Variants in PRR11 observed in about 807,000 individuals in gnomAD.
PRR11 encodes proline rich 11.
PRR11 carries 30 observed loss-of-function variants against 45.6 expected under a neutral mutation model. That is an observed-to-expected ratio of 0.66 (90% confidence interval 0.49 to 0.89). PRR11 has a LOEUF of 0.89. Ranked by LOEUF, PRR11 falls within the 40% of genes least tolerant of loss-of-function variation. PRR11 has a pLI of 0.00. For missense variants in PRR11, 373 were observed against 424.8 expected (o/e 0.88, Z 1.07); for synonymous variants, 128 against 153.5 (o/e 0.83, Z 1.23).
intron 5 of PRR11, among the ~76,000 whole-genome samples, chr17:59,194,119 T>C (rs929509254): frequency 4.6e-5 from 7 of 152,060 alleles, no homozygotes; most frequent in Admixed American, 4.6e-4. Context: ...GGAGAACCAA[T>C]CTCTATTTCA....
rs2046623003 is a variant in PRR11 at position 59,156,259 on chromosome 17, A to G, written c.-6+454A>G. Among the ~76,000 whole-genome samples the G allele has an allele frequency of 2.6e-5, 4 of 152,178 alleles. No homozygotes were observed. The South Asian group carries it at 6.2e-4, about 24-fold the overall frequency. On this transcript the variant is annotated intron_variant, in intron 1 of 9. Transcript: ENST00000262293. ...ACATTTCTTGACTGGGAATATTACTATGTTACTCGATATTGTCTGGCATGC... is the reference window on the plus strand; with the variant it reads ...ACATTTCTTGACTGGGAATATTACTGTGTTACTCGATATTGTCTGGCATGC...
At chr17:59,156,757 T>C (rs183193854) in intron 1 of PRR11, among the ~76,000 whole-genome samples, 57 of 151,770 alleles carry the variant, frequency 3.8e-4, no homozygotes, top group Admixed American at 2.2e-3. Flanking sequence ...GCCTCCTGAG[T>C]AGCTGGGAGT....
At chr17:59,164,834 A>G (rs533641819) in intron 1 of PRR11, among the ~76,000 whole-genome samples, 256 of 151,792 alleles carry the variant, frequency 1.7e-3, no homozygotes, top group African/African-American at 6.0e-3. Context: ...AGCCAAGATC[A>G]TGCCACTGCA....
chr17:59,200,189 A>T (rs892407685), intron 9 of PRR11, among the ~76,000 whole-genome samples: 1 of 152,252 alleles, frequency 6.6e-6, no homozygotes, highest in Admixed American at 6.5e-5. Flanking sequence ...TTAGATATAG[A>T]TGACTTATCC....
At chr17:59,167,163 CTAAA>C (rs936480589) in intron 1 of PRR11, among the ~76,000 whole-genome samples, 2 of 151,952 alleles carry the variant, frequency 1.3e-5, no homozygotes, top group Non-Finnish European at 2.9e-5. Context: ...GACTCTGTCT[CTAAA>C]TAAATAAATA....
intron 2 of PRR11, among the ~76,000 whole-genome samples, chr17:59,181,147 G>C (rs1275259630): frequency 6.6e-6 from 1 of 151,286 alleles, no homozygotes; most frequent in Non-Finnish European, 1.5e-5. Context: ...CCACCACCAC[G>C]CCCAGCTAAT....
chr17:59,179,671 G>T, intron 2 of PRR11: 1 of 1,477,784 alleles, frequency 6.8e-7, no homozygotes, highest in Non-Finnish European at 9.2e-7. Flanking sequence ...TGAAAGTCTC[G>T]TGGTGCTCAG....
At chr17:59,193,800 G>T in intron 5 of PRR11, 66 bp downstream of exon 5, 3 of 1,535,044 alleles carry the variant, frequency 2.0e-6, no homozygotes, top group Non-Finnish European at 2.7e-6. Context: ...TAGGAGTAAA[G>T]CCAAGTGGCC....
At position 59,197,926 on chromosome 17, in the gene PRR11, C is replaced by A. The variant is rs73321226; in HGVS notation, c.1014+137C>A. 1,917 of 707,780 alleles carry A rather than the reference C, an allele frequency of 2.7e-3. 32 individuals are homozygous for A. The African/African-American group carries it at 0.029, about 11-fold the overall frequency. The allele number at this position is 707,780 out of a possible 1,614,324, so 43.8% of individuals were successfully genotyped here. A position where few individuals can be genotyped will look rare whatever the true frequency, so the allele number is the denominator to read the frequency against. On this transcript the variant is annotated intron_variant, in intron 9 of 9. Transcript: ENST00000262293. ...CTTGAGCCTAGCAGTTCAAGATGGG[C>A]AACATGGTGAAACTCTGTCTCTACA...
chr17:59,168,515 C>T (rs182588368), intron 1 of PRR11, among the ~76,000 whole-genome samples: 135 of 152,108 alleles, frequency 8.9e-4, no homozygotes, highest in African/African-American at 3.1e-3. Flanking sequence ...AAGGCCCATG[C>T]CTGTAATCCC....
chr17:59,183,864 A>G (rs2046800841), intron 2 of PRR11, among the ~76,000 whole-genome samples: 2 of 152,110 alleles, frequency 1.3e-5, no homozygotes, highest in African/African-American at 4.8e-5. Flanking sequence ...TTGGGTGGCC[A>G]AGGGAGGAAG....
intron 2 of PRR11, among the ~76,000 whole-genome samples, chr17:59,183,069 A>T (rs940658630): frequency 2.6e-5 from 4 of 152,150 alleles, no homozygotes; most frequent in Non-Finnish European, 5.9e-5. Flanking sequence ...GAAGGTTGGA[A>T]TCTCTGATGT....
chr17:59,165,311 C>T (rs982552806), intron 1 of PRR11, among the ~76,000 whole-genome samples: 2 of 151,780 alleles, frequency 1.3e-5, no homozygotes, highest in Non-Finnish European at 2.9e-5. Context: ...TGAGCCACCG[C>T]GCGTCCGGTC....
At chr17:59,159,310 AT>A (rs1331145856) in intron 1 of PRR11, among the ~76,000 whole-genome samples, 2 of 152,046 alleles carry the variant, frequency 1.3e-5, no homozygotes, top group African/African-American at 4.8e-5. Flanking sequence ...AATTTCACTC[AT>A]TTCTAGTGTT....
chr17:59,199,093 T>C (rs755694880), intron 9 of PRR11, among the ~76,000 whole-genome samples: 4 of 152,092 alleles, frequency 2.6e-5, no homozygotes, highest in African/African-American at 4.8e-5. Flanking sequence ...CATGGCAGTA[T>C]GTGCTATGAA....
At chr17:59,184,947 T>C in intron 2 of PRR11, 107 bp from the exon 3 acceptor site, 1 of 797,800 alleles carries the variant, frequency 1.3e-6, no homozygotes, top group Admixed American at 3.3e-5. Context: ...TCTCCTCACC[T>C]CAGCCTCCCA....
At chr17:59,193,451 T>A in intron 4 of PRR11, 41 bp from the exon 5 acceptor site, 1 of 1,610,396 alleles carries the variant, frequency 6.2e-7, no homozygotes, top group Non-Finnish European at 8.5e-7. Flanking sequence ...AGAATCAAAT[T>A]AACTTGTTAT....
chr17:59,171,131 C>T (rs1382675053), intron 2 of PRR11, among the ~76,000 whole-genome samples: 2 of 152,070 alleles, frequency 1.3e-5, no homozygotes, highest in Non-Finnish European at 1.5e-5. Flanking sequence ...GGCGCGGTGG[C>T]AGGCGCCTGT....
chr17:59,179,525 T>C (rs1323567692), intron 2 of PRR11: 10 of 1,320,158 alleles, frequency 7.6e-6, no homozygotes, highest in African/African-American at 3.0e-5. Flanking sequence ...CACTTCTGAG[T>C]CCTCCCGCAT....
Sources: gnomAD v4.1 joint callset for allele counts (sites outside exome capture counted in the v4.1 genomes callset) on GRCh38, gnomAD v4.1.1 for gene constraint, MANE v1.5 for transcripts, NCBI Gene and HGNC (gene_info 2026-07-23, HGNC 2026-07-21) for gene names.